Variants in SLC9A9 observed in about 807,000 individuals in gnomAD.
SLC9A9 encodes sodium/hydrogen exchanger 9.
Under a neutral mutation model 77.8 loss-of-function variants are expected in SLC9A9, and 62 were observed. That is an observed-to-expected ratio of 0.80 (90% CI 0.65 to 0.98). The LOEUF is 0.98. SLC9A9 is among the 50% of genes least tolerant of loss of function. The pLI is 0.00. For missense variants in SLC9A9, 775 were observed against 774.9 expected, an observed-to-expected ratio of 1.00 and a Z score of 0.00; for synonymous variants, 320 against 283.5, an observed-to-expected ratio of 1.13 and a Z score of -1.29.
At chr3:143,758,539 T>G (rs1348680872) in intron 4 of SLC9A9, among the ~76,000 whole-genome samples, 1 of 152,150 alleles carries the variant, frequency 6.6e-6, no homozygotes, top group African/African-American at 2.4e-5. Context: ...GACTTGAAGC[T>G]GTTTAGAGAT....
At chr3:143,670,103 T>C (rs2039134732) in intron 5 of SLC9A9, among the ~76,000 whole-genome samples, 1 of 152,246 alleles carries the variant, frequency 6.6e-6, no homozygotes, top group African/African-American at 2.4e-5. Context: ...TCCCTTGAAC[T>C]TCTGTATTTG....
chr3:143,413,145 C>T (rs2034128640), intron 12 of SLC9A9, among the ~76,000 whole-genome samples: 1 of 152,116 alleles, frequency 6.6e-6, no homozygotes, highest in Admixed American at 6.5e-5. Context: ...CCGTGGTTCT[C>T]TATAGCTGCT....
At chr3:143,524,709 C>T (rs984477596) in intron 9 of SLC9A9, among the ~76,000 whole-genome samples, 13 of 152,206 alleles carry the variant, frequency 8.5e-5, no homozygotes, top group African/African-American at 3.1e-4. Flanking sequence ...TTTGTCCCCA[C>T]TAAAACTTAT....
Position 143,712,565 on chromosome 3 carries a change from C to T in SLC9A9, c.534-19258G>A, listed in dbSNP as rs1199411496. Among the ~76,000 whole-genome samples the T allele has an allele frequency of 2.0e-5, 3 of 150,550 alleles. No homozygotes were observed. In the East Asian group the frequency reaches 5.8e-4, roughly 29 times the overall value. ...AGCTCTTTGACCCTAGGCAAGTTAGCTGTTTCTTCTTTTCCTCCATTTTTT... is the reference window on the plus strand; with the variant it reads ...AGCTCTTTGACCCTAGGCAAGTTAGTTGTTTCTTCTTTTCCTCCATTTTTT... On this transcript the variant is annotated intron_variant, in intron 4 of 15. Transcript: ENST00000316549.
At chr3:143,835,925 T>TGGCA (rs2108892614) in intron 1 of SLC9A9, among the ~76,000 whole-genome samples, 1 of 152,342 alleles carries the variant, frequency 6.6e-6, no homozygotes, top group African/African-American at 2.4e-5. Flanking sequence ...CCTGGCCAGT[T>TGGCA]GGCAGCATCT....
At chr3:143,452,198 C>A (rs530378665) in intron 12 of SLC9A9, among the ~76,000 whole-genome samples, 9 of 152,064 alleles carry the variant, frequency 5.9e-5, no homozygotes, top group Admixed American at 2.0e-4. Flanking sequence ...TAAAAATATA[C>A]CTTTGCAACT....
At chr3:143,388,960 G>C (rs72992177) in intron 12 of SLC9A9, among the ~76,000 whole-genome samples, 3,466 of 152,278 alleles carry the variant, frequency 0.023, 151 homozygotes, top group African/African-American at 0.079. Context: ...AGGTTGGGGA[G>C]GGGACTCCAG....
chr3:143,373,605 T>TA (rs67376157), intron 13 of SLC9A9, among the ~76,000 whole-genome samples: 27,659 of 58,494 alleles, frequency 0.47, 6,105 homozygotes, highest in Admixed American at 0.52. Flanking sequence ...ACTGAAATAG[T>TA]AAAAAAAAAA....
chr3:143,386,157 T>A (rs935495906), intron 12 of SLC9A9, among the ~76,000 whole-genome samples: 7 of 152,180 alleles, frequency 4.6e-5, no homozygotes, highest in African/African-American at 1.7e-4. Flanking sequence ...TGGAGTGAAG[T>A]AGCTGTACTC....
intron 12 of SLC9A9, among the ~76,000 whole-genome samples, chr3:143,431,485 C>CAT (rs1553754145): frequency 6.9e-5 from 9 of 130,116 alleles, no homozygotes; most frequent in Non-Finnish European, 4.8e-5. Flanking sequence ...CTGCCCCCAC[C>CAT]TTTTTTTTTT....
intron 14 of SLC9A9, chr3:143,344,517 A>C (rs1345687180): frequency 6.6e-6 from 1 of 152,220 alleles, no homozygotes; most frequent in Non-Finnish European, 1.5e-5. Context: ...CCCATTTACA[A>C]AATTTTATGA....
chr3:143,524,633 ATTTGT>A (rs1213554127), intron 9 of SLC9A9, among the ~76,000 whole-genome samples: 3 of 152,104 alleles, frequency 2.0e-5, no homozygotes, highest in Admixed American at 1.3e-4. Context: ...ATTATGACTA[ATTTGT>A]TTAGTTAGAT....
intron 12 of SLC9A9, among the ~76,000 whole-genome samples, chr3:143,419,966 A>G (rs1303422137): frequency 1.3e-5 from 2 of 152,182 alleles, no homozygotes; most frequent in African/African-American, 4.8e-5. Flanking sequence ...GGAGTATGGA[A>G]TGCTGGGAAC....
At position 143,823,940 on chromosome 3, in the gene SLC9A9, T is replaced by C. The variant is rs142350252; in HGVS notation, c.378+8079A>G. ...CTAGTTTGATATCTGCTTTATAATG[T>C]ATAGAGTATATTGATACAGTAGTCC... On this transcript the variant is annotated intron_variant, in intron 2 of 15. Transcript: ENST00000316549. Among the ~76,000 whole-genome samples the C allele has an allele frequency of 7.2e-3, 1,104 of 152,300 alleles. 8 individuals are homozygous for C. The highest frequency in any genetic ancestry group is 0.014 in the Middle Eastern group (4 of 294).
chr3:143,444,060 A>C (rs1242749855), intron 12 of SLC9A9, among the ~76,000 whole-genome samples: 11 of 152,224 alleles, frequency 7.2e-5, no homozygotes, highest in African/African-American at 2.7e-4. Flanking sequence ...TCCGTATTTA[A>C]ACACAAGCAA....
intron 4 of SLC9A9, among the ~76,000 whole-genome samples, chr3:143,720,424 T>TATG (rs1934466885): frequency 6.6e-6 from 1 of 152,202 alleles, no homozygotes; most frequent in African/African-American, 2.4e-5. Flanking sequence ...GAACTAGGAC[T>TATG]ATGAGGCTGG....
At chr3:143,449,821 T>A (rs1268425868) in intron 12 of SLC9A9, among the ~76,000 whole-genome samples, 1 of 68,982 alleles carries the variant, frequency 1.4e-5, no homozygotes, top group Admixed American at 2.5e-4. Context: ...ATTATATATT[T>A]ACATATATAA....
chr3:143,422,457 T>C (rs1300551377), intron 12 of SLC9A9, among the ~76,000 whole-genome samples: 1 of 152,192 alleles, frequency 6.6e-6, no homozygotes, highest in Non-Finnish European at 1.5e-5. Context: ...GCAACATGGA[T>C]GCAGCTGGAG....
chr3:143,790,296 A>G (rs1009166452), intron 4 of SLC9A9, among the ~76,000 whole-genome samples: 2 of 152,242 alleles, frequency 1.3e-5, no homozygotes, highest in African/African-American at 4.8e-5. Flanking sequence ...CTGCAACATG[A>G]GAATGGACTA....
Sources: gnomAD v4.1 joint callset for allele counts (sites outside exome capture counted in the v4.1 genomes callset) on GRCh38, gnomAD v4.1.1 for gene constraint, MANE v1.5 for transcripts, NCBI Gene and HGNC (gene_info 2026-07-23, HGNC 2026-07-21) for gene names.